ALDH1L2: variants seen among roughly 807,000 people sequenced by gnomAD.
The protein encoded by ALDH1L2 is aldehyde dehydrogenase 1 family member L2.
Under a neutral mutation model 111.0 loss-of-function variants are expected in ALDH1L2, and 91 were observed. The ratio of observed to expected loss-of-function variants is 0.82; its 90% confidence interval spans 0.69 to 0.98. The LOEUF is 0.98. Among genes scored for constraint, ALDH1L2 ranks in the 50% least tolerant of loss-of-function variants. The pLI is 0.00. For synonymous variants in ALDH1L2, 374 were observed against 392.6 expected, an observed-to-expected ratio of 0.95 and a Z score of 0.56; for missense variants, 995 against 1,126.8, an observed-to-expected ratio of 0.88 and a Z score of 1.67.
In ALDH1L2 at chr12:105,061,641, C is replaced by T; in HGVS notation, c.1033G>A (p.Ala345Thr). The T allele has an allele frequency of 6.2e-7, 1 of 1,614,116 alleles. No homozygotes were observed. ...CATGTGTTCACCTTGATGGTCTCTG[C>T]CACTTTCACCTCTTCAGCTGTCAGT... Reference protein sequence around the residue: ...VELTAEEVKVAETIKVIWAGI... With the variant: ...VELTAEEVKVTETIKVIWAGI... The change falls in exon 8 of 23, where the codon GCA (alanine) becomes ACA (threonine). Residue 345 changes from alanine to threonine, a missense_variant. Transcript: ENST00000258494.
chr12:105,038,478 G>A (rs61938825), intron 17 of ALDH1L2, among the ~76,000 whole-genome samples: 2 of 152,068 alleles, frequency 1.3e-5, no homozygotes, highest in African/African-American at 4.8e-5. Flanking sequence ...ACCAGCCTGA[G>A]CAACATGGCA....
chr12:105,055,905 T>G (rs11613261), intron 10 of ALDH1L2, among the ~76,000 whole-genome samples: 59,745 of 151,886 alleles, frequency 0.39, 12,979 homozygotes, highest in Middle Eastern at 0.61. Flanking sequence ...CTCAGAGACT[T>G]ATGGGATACC....
At chr12:105,033,233 T>C (rs564208956) in intron 19 of ALDH1L2, among the ~76,000 whole-genome samples, 2 of 150,106 alleles carry the variant, frequency 1.3e-5, no homozygotes, top group South Asian at 4.1e-4. Context: ...GCTTGAGAAA[T>C]GCTGCTGATG....
chr12:105,052,520 T>C (rs1876351145), intron 11 of ALDH1L2, among the ~76,000 whole-genome samples: 1 of 152,208 alleles, frequency 6.6e-6, no homozygotes, highest in Non-Finnish European at 1.5e-5. Context: ...GTCTTCAAAG[T>C]CTGGAAAGTT....
chr12:105,052,188 C>A lies in ALDH1L2; in HGVS notation c.1437G>T (p.Leu479Phe). 1 of 1,610,088 alleles carries A rather than the reference C, an allele frequency of 6.2e-7. No homozygotes were observed. The highest frequency in any genetic ancestry group is 8.5e-7 in the Non-Finnish European group (1 of 1,178,064). ...CTGCTACTGCTTTATCAACATCCGC[C>A]AAAGAAGCGTAGGATACTTTGCATA... is the stretch of plus-strand genomic sequence containing the variant. ...STICKVSYASLADVDKAVAAA... is the reference protein window; with the variant it reads ...STICKVSYASFADVDKAVAAA... Residue 479 changes from leucine to phenylalanine, a missense_variant, in exon 12 of 23, where the codon TTG becomes TTT. Physicochemically the swap from Leu to Phe is conservative, Grantham distance 22 (BLOSUM62 0). Transcript: ENST00000258494.
At chr12:105,025,202 C>T (rs12579790) in intron 22 of ALDH1L2, among the ~76,000 whole-genome samples, 3,432 of 152,198 alleles carry the variant, frequency 0.023, 97 homozygotes, top group East Asian at 0.14. Flanking sequence ...CAACTTTGTC[C>T]GCATGTTAGA....
intron 19 of ALDH1L2, among the ~76,000 whole-genome samples, chr12:105,032,628 C>A (rs1320499217): frequency 1.3e-5 from 2 of 152,120 alleles, no homozygotes. Context: ...GTAAGTGCAC[C>A]CAACCACTAA....
At chr12:105,038,066 C>T (rs1184366598) in intron 18 of ALDH1L2, 37 bp downstream of exon 18, 1 of 1,576,692 alleles carries the variant, frequency 6.3e-7, no homozygotes, top group African/African-American at 1.3e-5. Flanking sequence ...CTCACCTGGC[C>T]CAGGCACCTA....
At chr12:105,058,265 G>A (rs747781441) in intron 9 of ALDH1L2, 45 bp from the exon 10 acceptor site, 4 of 1,550,690 alleles carry the variant, frequency 2.6e-6, no homozygotes, top group Non-Finnish European at 3.5e-6. Flanking sequence ...TTTTAAAAGG[G>A]GTTAGGAAGA....
rs766584610 is a variant in ALDH1L2, at chr12:105,038,205, A to G, written c.2046-3T>C. ...TCTTCAAGTTGCTAACAGCACAGCT[A>G]GAGGAAAACAAATGAGAAATGAGCA... is the stretch of plus-strand genomic sequence containing the variant. On this transcript the variant is annotated splice_polypyrimidine_tract_variant and splice_region_variant and intron_variant, in intron 17 of 22. Transcript: ENST00000258494. The G allele has an allele frequency of 3.1e-6, 5 of 1,610,332 alleles. No individual in the cohort carries two copies. The African/African-American group carries it at 6.7e-5, about 22-fold the overall frequency.
At position 105,062,874 on chromosome 12, in the gene ALDH1L2, TA is replaced by T; in HGVS notation, c.921+13del. ...CAAAAGGTTATTTCATAGGCAGCCA[TA>T]TTTAACACTCACTGCTTTTCCATCG... On this transcript the variant is annotated intron_variant, in intron 7 of 22. Transcript: ENST00000258494. 6.2e-7 allele frequency: 1 copy of T among 1,607,834 alleles called. No homozygotes were observed. The highest frequency in any genetic ancestry group is 1.1e-5 in the South Asian group (1 of 89,958).
In ALDH1L2 at chr12:105,062,880, A is replaced by T; in HGVS notation, c.921+8T>A. 1.9e-6 allele frequency: 3 copies of T among 1,609,320 alleles called. No homozygotes were observed. The highest frequency in any genetic ancestry group is 2.5e-6 in the Non-Finnish European group (3 of 1,178,546). The stretch of plus-strand genomic sequence containing the variant: ...GTTATTTCATAGGCAGCCATATTTA[A>T]CACTCACTGCTTTTCCATCGTTACC... On this transcript the variant is annotated splice_region_variant and intron_variant, in intron 7 of 22. Transcript: ENST00000258494.
chr12:105,084,050 A>G (rs990257237), intron 1 of ALDH1L2, among the ~76,000 whole-genome samples: 10 of 152,112 alleles, frequency 6.6e-5, no homozygotes, highest in African/African-American at 2.4e-4. Context: ...GATTGAAGTG[A>G]AAAAGGAAAG....
At chr12:105,038,269 CACACACACAA>C (rs878866416) in intron 17 of ALDH1L2, 67 bp from the exon 18 acceptor site, 22,681 of 604,114 alleles carry the variant, frequency 0.038, 653 homozygotes, top group African/African-American at 0.11. Flanking sequence ...CTCACACACA[CACACACACAA>C]ACACACACAC....
At chr12:105,073,211 G>A (rs1877841400) in intron 2 of ALDH1L2, among the ~76,000 whole-genome samples, 1 of 152,174 alleles carries the variant, frequency 6.6e-6, no homozygotes, top group South Asian at 2.1e-4. Flanking sequence ...GCTGAACTGA[G>A]GCTTAGTAAG....
rs796197576 is a variant in ALDH1L2 at position 105,030,551 on chromosome 12, G to A, written c.2411-122C>T. ...CTCTGGCCCAGTAAAACCAAGAAGAGTTGCATTTCTCTATTTGGTGTTGGC... is the reference window on the plus strand; with the variant it reads ...CTCTGGCCCAGTAAAACCAAGAAGAATTGCATTTCTCTATTTGGTGTTGGC... On this transcript the variant is annotated intron_variant, in intron 20 of 22. Transcript: ENST00000258494. 31 of 678,446 alleles carry A rather than the reference G, an allele frequency of 4.6e-5. No homozygotes were observed. In the African/African-American group the frequency reaches 5.3e-4, roughly 12 times the overall value. 42.0% of individuals were successfully genotyped at this position (678,446 alleles called of 1,614,324 possible).
Position 105,066,549 on chromosome 12 carries a change from T to C in ALDH1L2, c.696+19A>G. 1.2e-6 allele frequency: 2 copies of C among 1,602,286 alleles called. No individual in the cohort carries two copies. The highest frequency in any genetic ancestry group is 1.7e-6 in the Non-Finnish European group (2 of 1,169,596). ...GGCCATGAACTCTGAGACGTGTTATTGAGTTGATATATAAATACCTCAGCA... is the reference window on the plus strand; with the variant it reads ...GGCCATGAACTCTGAGACGTGTTATCGAGTTGATATATAAATACCTCAGCA... On this transcript the variant is annotated intron_variant, in intron 5 of 22. Coordinates refer to ENST00000258494, the MANE Select transcript of ALDH1L2 (RefSeq NM_001034173.4).
chr12:105,053,785 A>C (rs932895385), intron 10 of ALDH1L2, among the ~76,000 whole-genome samples: 1 of 151,982 alleles, frequency 6.6e-6, no homozygotes, highest in Admixed American at 6.6e-5. Context: ...TTCTTGGAAT[A>C]TGCTGAATGT....
intron 9 of ALDH1L2, 70 bp from the exon 10 acceptor site, chr12:105,058,290 C>A: frequency 1.3e-6 from 2 of 1,494,592 alleles, no homozygotes; most frequent in Non-Finnish European, 8.9e-7. Context: ...GTTATTTGCA[C>A]TTGTCAAGTT....
Sources: gnomAD v4.1 joint callset for allele counts (sites outside exome capture counted in the v4.1 genomes callset) on GRCh38, gnomAD v4.1.1 for gene constraint, MANE v1.5 for transcripts, NCBI Gene and HGNC (gene_info 2026-07-23, HGNC 2026-07-21) for gene names.